The following PIBF1 variants were observed in gnomAD, a reference collection of about 807,000 sequenced individuals.
PIBF1 encodes the protein progesterone immunomodulatory binding factor 1.
Under a neutral mutation model 112.5 loss-of-function variants are expected in PIBF1, and 90 were observed. The ratio of observed to expected loss-of-function variants is 0.80; its 90% confidence interval spans 0.67 to 0.95. The LOEUF is 0.95. Among genes scored for constraint, PIBF1 ranks in the 40% least tolerant of loss-of-function variants. The pLI is 0.00. For synonymous variants in PIBF1, 301 were observed against 288.6 expected (o/e 1.04, Z -0.44); for missense variants, 915 against 852.3 (o/e 1.07, Z -0.92).
At position 72,931,209 on chromosome 13, in the gene PIBF1, C is replaced by T; in HGVS notation, c.1775C>T (p.Ser592Leu). ...RRVLQLEKQN[S>L]LILKDLEHRK... ...GTGCTTCAATTAGAAAAACAAAACT[C>T]GCTGATTTTAAAAGATCTGGAACAT... Residue 592 changes from serine to leucine, a missense_variant, in exon 14 of 18, where the codon TCG (serine) becomes TTG (leucine). Physicochemically the swap from Ser to Leu is moderately radical, Grantham distance 145. Coordinates refer to ENST00000326291, the MANE Select transcript of PIBF1 (RefSeq NM_006346.4). 22 of 1,613,030 alleles carry T rather than the reference C, an allele frequency of 1.4e-5. No individual in the cohort carries two copies. Among genetic ancestry groups the T allele is most frequent in the Non-Finnish European group, 1.6e-5 (19 of 1,179,420 alleles).
At chr13:72,881,994 C>CA (rs1409876338) in intron 10 of PIBF1, among the ~76,000 whole-genome samples, 3 of 151,816 alleles carry the variant, frequency 2.0e-5, no homozygotes, top group Admixed American at 6.6e-5. Flanking sequence ...CTATCCTACG[C>CA]AAAAAGAGCA....
chr13:72,940,695 C>T (rs2041987695), intron 14 of PIBF1, among the ~76,000 whole-genome samples: 1 of 152,104 alleles, frequency 6.6e-6, no homozygotes, highest in Non-Finnish European at 1.5e-5. Flanking sequence ...TGCTTTTAAG[C>T]TTTTTTAGGC....
At chr13:72,959,726 G>T (rs1029139820) in intron 14 of PIBF1, among the ~76,000 whole-genome samples, 3 of 152,140 alleles carry the variant, frequency 2.0e-5, no homozygotes, top group Non-Finnish European at 4.4e-5. Flanking sequence ...TGAATCAAAA[G>T]ATATAATGAT....
In PIBF1 at chr13:72,832,022, T is replaced by C. The variant is rs370798918; in HGVS notation, c.1098-3221T>C. On this transcript the variant is annotated intron_variant, in intron 8 of 17. Coordinates refer to ENST00000326291, the MANE Select transcript of PIBF1 (RefSeq NM_006346.4). ...TAATGCCCTTTATTCTCCTTTGATCTTTGTTGGTTTAAAGTCTGTTTTATC... is the reference window on the plus strand; with the variant it reads ...TAATGCCCTTTATTCTCCTTTGATCCTTGTTGGTTTAAAGTCTGTTTTATC... Among the ~76,000 whole-genome samples the C allele has an allele frequency of 7.3e-5, 11 of 151,690 alleles. No individual in the cohort carries two copies. The East Asian group carries it at 1.6e-3, about 21-fold the overall frequency.
rs965191473 is a variant in PIBF1 at position 72,785,425 on chromosome 13, A to G, written c.252+1704A>G. 3.3e-5 allele frequency among the ~76,000 whole-genome samples: 5 copies of G among 152,324 alleles called. No homozygotes were observed. The East Asian group carries it at 9.6e-4, about 29-fold the overall frequency. On this transcript the variant is annotated intron_variant, in intron 2 of 17. Transcript: ENST00000326291. ...TGCCCAGCTATTTCTTAAATGAATG[A>G]CTGAACCCCATTTTGCTCTGATTAA...
chr13:72,907,719 A>T (rs2040750251), intron 11 of PIBF1, among the ~76,000 whole-genome samples: 1 of 152,264 alleles, frequency 6.6e-6, no homozygotes, highest in South Asian at 2.1e-4. Flanking sequence ...ACAGTATATT[A>T]TGTTGTATTA....
chr13:72,917,129 A>C lies in PIBF1; in HGVS notation c.1693A>C (p.Asn565His). The C allele has an allele frequency of 1.3e-6, 2 of 1,598,092 alleles. No homozygotes were observed. The highest frequency in any genetic ancestry group is 1.7e-6 in the Non-Finnish European group (2 of 1,172,282). The change falls in exon 13 of 18, where the codon AAT becomes CAT. Residue 565 changes from asparagine (N) to histidine (H), a missense_variant. Coordinates refer to ENST00000326291, the MANE Select transcript of PIBF1 (RefSeq NM_006346.4). The stretch of plus-strand genomic sequence containing the variant: ...TCTTTTTTCCTACGGCTATGGTGCT[A>C]ATGTTCCCACAACAGCCAAAAGACG... ...RVLFSYGYGA[N>H]VPTTAKRRLK...
intron 14 of PIBF1, among the ~76,000 whole-genome samples, chr13:72,934,895 A>G (rs1255200639): frequency 6.6e-6 from 1 of 151,908 alleles, no homozygotes; most frequent in East Asian, 1.9e-4. Flanking sequence ...TTGCCTCCCA[A>G]CCTTCCCCAT....
intron 5 of PIBF1, among the ~76,000 whole-genome samples, chr13:72,801,032 CAG>C (rs1335436470): frequency 6.6e-6 from 1 of 152,040 alleles, no homozygotes; most frequent in Non-Finnish European, 1.5e-5. Context: ...AATGCAAAGG[CAG>C]GGGGGTACTT....
intron 17 of PIBF1, among the ~76,000 whole-genome samples, chr13:73,015,501 A>G (rs1285714292): frequency 1.3e-5 from 2 of 152,112 alleles, no homozygotes; most frequent in Admixed American, 1.3e-4. Flanking sequence ...TTTAATAAAT[A>G]TCTATTGAGT....
At chr13:72,869,127 A>G (rs563286027) in intron 10 of PIBF1, among the ~76,000 whole-genome samples, 1 of 152,272 alleles carries the variant, frequency 6.6e-6, no homozygotes, top group South Asian at 2.1e-4. Context: ...TATATACCCA[A>G]AGGACTATAA....
chr13:72,976,058 CTT>C (rs1207372754), intron 16 of PIBF1, among the ~76,000 whole-genome samples: 16 of 152,046 alleles, frequency 1.1e-4, no homozygotes, highest in Admixed American at 5.2e-4. Context: ...AACCAAAAAA[CTT>C]TGCGTGGTGG....
intron 5 of PIBF1, among the ~76,000 whole-genome samples, chr13:72,813,035 G>C (rs180860203): frequency 6.6e-6 from 1 of 152,076 alleles, no homozygotes; most frequent in African/African-American, 2.4e-5. Flanking sequence ...TAAAGGCCAG[G>C]TGCTATCATG....
chr13:72,975,379 T>A lies in PIBF1; in HGVS notation c.2049+1704T>A, dbSNP rs1044454838. Among the ~76,000 whole-genome samples the A allele has an allele frequency of 9.2e-5, 14 of 152,080 alleles. No individual in the cohort carries two copies. In the East Asian group the frequency reaches 2.3e-3, roughly 25 times the overall value. Reference sequence around the variant, plus strand: ...CAGAAAACAAAACATTTAAAACATATCATTGGTTTATGAGTATCCTGATAC... The same window carrying A: ...CAGAAAACAAAACATTTAAAACATAACATTGGTTTATGAGTATCCTGATAC... On this transcript the variant is annotated intron_variant, in intron 16 of 17. Coordinates refer to ENST00000326291, the MANE Select transcript of PIBF1 (RefSeq NM_006346.4).
intron 9 of PIBF1, among the ~76,000 whole-genome samples, chr13:72,841,379 T>G (rs760364209): frequency 6.6e-6 from 1 of 152,164 alleles, no homozygotes; most frequent in Non-Finnish European, 1.5e-5. Context: ...ATGAAAGAGA[T>G]TTGGATCAAA....
chr13:72,995,468 A>G (rs2043619911), intron 16 of PIBF1, among the ~76,000 whole-genome samples: 1 of 152,210 alleles, frequency 6.6e-6, no homozygotes, highest in Non-Finnish European at 1.5e-5. Flanking sequence ...AGAGTTTTAA[A>G]GTCCATAAAT....
At chr13:73,003,211 T>C (rs2043928854) in intron 17 of PIBF1, among the ~76,000 whole-genome samples, 1 of 151,862 alleles carries the variant, frequency 6.6e-6, no homozygotes. Context: ...CATGATTCCC[T>C]AGAAGAGCTT....
In PIBF1 at chr13:72,923,157, C is replaced by T. The variant is rs1021698878; in HGVS notation, c.1730+5991C>T. Among the ~76,000 whole-genome samples the T allele has an allele frequency of 4.6e-5, 7 of 152,080 alleles. No individual in the cohort carries two copies. In the South Asian group the frequency reaches 6.2e-4, roughly 13 times the overall value. On this transcript the variant is annotated intron_variant, in intron 13 of 17. Coordinates refer to ENST00000326291, the MANE Select transcript of PIBF1 (RefSeq NM_006346.4). The stretch of plus-strand genomic sequence containing the variant: ...TCGAGTTTTGGTAATAGTAAGACAC[C>T]GTACCAATACTGAAGAACCCAGAAC...
At chr13:72,874,767 T>C (rs2039322493) in intron 10 of PIBF1, among the ~76,000 whole-genome samples, 1 of 152,224 alleles carries the variant, frequency 6.6e-6, no homozygotes, top group African/African-American at 2.4e-5. Context: ...CTTAAGTGGC[T>C]GTTTATTTTT....
Sources: allele counts gnomAD v4.1 joint callset (sites outside exome capture counted in the v4.1 genomes callset), GRCh38; gene constraint gnomAD v4.1.1; transcripts MANE v1.5; gene names NCBI Gene and HGNC (gene_info 2026-07-23, HGNC 2026-07-21).